SLC24A3: variants seen among roughly 807,000 people sequenced by gnomAD.
SLC24A3 encodes the protein sodium/potassium/calcium exchanger 3.
A neutral mutation model predicts 75.8 loss-of-function variants in SLC24A3; 28 were observed. That is an observed-to-expected ratio of 0.37 (90% confidence interval 0.27 to 0.51). SLC24A3 has a LOEUF of 0.51. Among genes scored for constraint, SLC24A3 ranks in the 20% least tolerant of loss-of-function variants. The probability of loss-of-function intolerance (pLI) is 0.94; values close to 1 mark genes in which losing one functional copy is unlikely to be tolerated. For synonymous variants in SLC24A3, 372 were observed against 334.1 expected (o/e 1.11, Z -1.24); for missense variants, 663 against 847.8 (o/e 0.78, Z 2.71).
At chr20:19,327,653 T>A (rs1477357694) in intron 2 of SLC24A3, among the ~76,000 whole-genome samples, 1 of 152,238 alleles carries the variant, frequency 6.6e-6, no homozygotes, top group African/African-American at 2.4e-5. Flanking sequence ...CATTGTTAGA[T>A]GTTACTGACG....
chr20:19,677,140 C>G (rs2032534183), intron 9 of SLC24A3, among the ~76,000 whole-genome samples: 1 of 152,096 alleles, frequency 6.6e-6, no homozygotes, highest in South Asian at 2.1e-4. Context: ...ATGTATAATA[C>G]ATGAGTTTGC....
chr20:19,432,199 C>A (rs762564086), intron 2 of SLC24A3, among the ~76,000 whole-genome samples: 1 of 151,044 alleles, frequency 6.6e-6, no homozygotes, highest in South Asian at 2.1e-4. Flanking sequence ...ACCCCCAATG[C>A]GGGTATCCTA....
intron 1 of SLC24A3, among the ~76,000 whole-genome samples, chr20:19,234,668 G>A (rs979903389): frequency 2.6e-5 from 4 of 152,190 alleles, no homozygotes; most frequent in Non-Finnish European, 5.9e-5. Flanking sequence ...GAGAGCTGCA[G>A]GTGCACAGGA....
intron 2 of SLC24A3, among the ~76,000 whole-genome samples, chr20:19,453,935 A>G (rs1418625420): frequency 6.6e-6 from 1 of 152,216 alleles, no homozygotes; most frequent in African/African-American, 2.4e-5. Context: ...CAAAGTCTTC[A>G]TTTACTGCAA....
chr20:19,703,100 A>G (rs2032892881), intron 15 of SLC24A3, among the ~76,000 whole-genome samples: 1 of 152,226 alleles, frequency 6.6e-6, no homozygotes. Context: ...CCCAGATCCT[A>G]GTGGCATGCT....
chr20:19,217,780 C>T (rs946449251), intron 1 of SLC24A3, among the ~76,000 whole-genome samples: 8 of 152,262 alleles, frequency 5.3e-5, no homozygotes, highest in Non-Finnish European at 8.8e-5. Flanking sequence ...ATGATTCTTC[C>T]GATCTCAGAT....
chr20:19,480,106 A>G (rs1988029211), intron 2 of SLC24A3, among the ~76,000 whole-genome samples: 1 of 152,234 alleles, frequency 6.6e-6, no homozygotes, highest in African/African-American at 2.4e-5. Flanking sequence ...CATTAGATTC[A>G]TTAACAATGT....
intron 2 of SLC24A3, among the ~76,000 whole-genome samples, chr20:19,503,243 C>A (rs1410771815): frequency 6.6e-6 from 1 of 152,092 alleles, no homozygotes. Context: ...GCAAAAGGCA[C>A]TTAGTATGTT....
chr20:19,670,552 T>C (rs2032454194), intron 8 of SLC24A3, among the ~76,000 whole-genome samples: 1 of 152,252 alleles, frequency 6.6e-6, no homozygotes, highest in Non-Finnish European at 1.5e-5. Context: ...AGTGCTGGAC[T>C]TAATTCAATC....
At chr20:19,526,094 C>G (rs2030194412) in intron 3 of SLC24A3, among the ~76,000 whole-genome samples, 1 of 152,198 alleles carries the variant, frequency 6.6e-6, no homozygotes, top group South Asian at 2.1e-4. Flanking sequence ...CACTGCCAGT[C>G]TCCCCGATAG....
At position 19,696,490 on chromosome 20, in the gene SLC24A3, A is replaced by G. The variant is rs563469827; in HGVS notation, c.1492-307A>G. On this transcript the variant is annotated intron_variant, in intron 13 of 16. Transcript: ENST00000328041. ...CCCGTAGTTCAAATATTCTGTCCCA[A>G]TATTGCCTTTTTCCCAGAAATTCTA... 31 of 283,286 alleles carry G rather than the reference A, an allele frequency of 1.1e-4. 1 individual carries two copies. The highest frequency in any genetic ancestry group is 4.9e-4 in the African/African-American group (23 of 46,806). The allele number at this position is 283,286 out of a possible 1,614,324, so 17.5% of individuals were successfully genotyped here. A position where few individuals can be genotyped will look rare whatever the true frequency, so the allele number is the denominator to read the frequency against.
chr20:19,569,849 C>CT (rs2031024397), intron 3 of SLC24A3, among the ~76,000 whole-genome samples: 1 of 152,190 alleles, frequency 6.6e-6, no homozygotes. Context: ...TCTCCACCAT[C>CT]TTTGCTGGTT....
chr20:19,608,580 T>C (rs1258561847), intron 6 of SLC24A3, among the ~76,000 whole-genome samples: 1 of 152,252 alleles, frequency 6.6e-6, no homozygotes, highest in African/African-American at 2.4e-5. Context: ...CCATTTTTCA[T>C]GTATGCTTTG....
intron 7 of SLC24A3, among the ~76,000 whole-genome samples, chr20:19,656,752 C>CAGA (rs1421860415): frequency 6.6e-6 from 1 of 152,152 alleles, no homozygotes. Context: ...ATTTGGATCT[C>CAGA]CTGGGAGCAC....
At chr20:19,651,631 A>G (rs907319463) in intron 6 of SLC24A3, among the ~76,000 whole-genome samples, 1 of 151,918 alleles carries the variant, frequency 6.6e-6, no homozygotes, top group African/African-American at 2.4e-5. Flanking sequence ...AGGCCGAGGC[A>G]GGTGGATCAC....
intron 2 of SLC24A3, among the ~76,000 whole-genome samples, chr20:19,387,723 TG>T (rs1986295597): frequency 6.6e-6 from 1 of 152,200 alleles, no homozygotes; most frequent in African/African-American, 2.4e-5. Context: ...TGTTAAGACT[TG>T]TTTTGTGGCC....
intron 15 of SLC24A3, among the ~76,000 whole-genome samples, chr20:19,713,074 C>T (rs527461763): frequency 6.6e-6 from 1 of 152,246 alleles, no homozygotes; most frequent in South Asian, 2.1e-4. Context: ...TTGAATGGTA[C>T]AATTTTGTGG....
chr20:19,387,932 A>G (rs1474969969), intron 2 of SLC24A3, among the ~76,000 whole-genome samples: 3 of 152,164 alleles, frequency 2.0e-5, no homozygotes, highest in Non-Finnish European at 2.9e-5. Context: ...GTCCTCTACT[A>G]TTATTGTTTT....
intron 2 of SLC24A3, among the ~76,000 whole-genome samples, chr20:19,344,042 G>A (rs1985334341): frequency 2.0e-5 from 3 of 152,176 alleles, no homozygotes; most frequent in African/African-American, 7.2e-5. Flanking sequence ...AAAGAACCAT[G>A]GTGGACTTTT....
Sources: gnomAD v4.1 joint callset for allele counts (sites outside exome capture counted in the v4.1 genomes callset) on GRCh38, gnomAD v4.1.1 for gene constraint, MANE v1.5 for transcripts, NCBI Gene and HGNC (gene_info 2026-07-23, HGNC 2026-07-21) for gene names.